Variants in ADGRG5 observed in about 807,000 individuals in gnomAD.
The protein encoded by ADGRG5 is G protein-coupled receptor 114.
ADGRG5 carries 37 observed loss-of-function variants against 53.2 expected under a neutral mutation model. That is an observed-to-expected ratio of 0.70 (90% CI 0.53 to 0.91). The LOEUF (loss-of-function observed/expected upper bound fraction) is 0.91, where lower values mean the gene tolerates loss of function less well. ADGRG5 is among the 40% of genes least tolerant of loss of function. The pLI, the probability that ADGRG5 is intolerant of heterozygous loss-of-function variation, is 0.00. For synonymous variants in ADGRG5, 277 were observed against 290.4 expected, an observed-to-expected ratio of 0.95 and a Z score of 0.47; for missense variants, 614 against 675.8, an observed-to-expected ratio of 0.91 and a Z score of 1.01.
At chr16:57,561,096 G>A (rs2032989880) in intron 1 of ADGRG5, among the ~76,000 whole-genome samples, 1 of 152,168 alleles carries the variant, frequency 6.6e-6, no homozygotes, top group South Asian at 2.1e-4. Context: ...GCTGTTTTTA[G>A]CCTCTTCCTT....
intron 9 of ADGRG5, among the ~76,000 whole-genome samples, chr16:57,570,132 A>G (rs540475206): frequency 6.6e-6 from 1 of 152,166 alleles, no homozygotes; most frequent in African/African-American, 2.4e-5. Context: ...CTATTTCCTC[A>G]GCAGTTCCCC....
the ADGRG5 span, chr16:57,529,227 C>T: frequency 8.7e-7 from 1 of 1,146,306 alleles, no homozygotes; most frequent in Non-Finnish European, 1.1e-6. The surrounding 1 kb of genome is among the most constrained non-coding windows in gnomAD (Gnocchi z 4.1). Context: ...GGCTCAGGGG[C>T]GGCTCCGGGG....
intron 1 of ADGRG5, among the ~76,000 whole-genome samples, chr16:57,559,184 T>C (rs1224854116): frequency 6.6e-6 from 1 of 152,162 alleles, no homozygotes; most frequent in Non-Finnish European, 1.5e-5. Context: ...TGCAACATTG[T>C]GGTGGGAGGG....
chr16:57,537,680 TTCCC>T (rs2032424280), upstream of ADGRG5, among the ~76,000 whole-genome samples: 1 of 152,206 alleles, frequency 6.6e-6, no homozygotes, highest in Non-Finnish European at 1.5e-5. Flanking sequence ...TCTGGGTCAC[TTCCC>T]TTGCAGACGT....
intron 5 of ADGRG5, 79 bp from the exon 6 acceptor site, chr16:57,564,954 TC>T: frequency 1.3e-6 from 1 of 774,396 alleles, no homozygotes; most frequent in Non-Finnish European, 2.2e-6. Context: ...CTTGTTCTCA[TC>T]CAGGGAAGCG....
chr16:57,551,238 T>C (rs1336388350), intron 1 of ADGRG5, among the ~76,000 whole-genome samples: 1 of 152,158 alleles, frequency 6.6e-6, no homozygotes, highest in East Asian at 1.9e-4. Flanking sequence ...GGTTGAAGGT[T>C]GGGGTGGCTG....
Position 57,566,656 on chromosome 16 carries a change from G to T in ADGRG5, c.604G>T (p.Gly202Trp), listed in dbSNP as rs200838029. 98 of 1,590,314 alleles carry T rather than the reference G, an allele frequency of 6.2e-5. 1 individual carries two copies. In the South Asian group the frequency reaches 8.8e-4, roughly 14 times the overall value. ...WKEGARKQPW[G>W]GWSPEGCRTE... Reference sequence around the variant, plus strand: ...GGAGGGAGCCAGGAAACAGCCCTGGGGGGGCTGGAGCCCTGAGGGCTGTCG... The same window carrying T: ...GGAGGGAGCCAGGAAACAGCCCTGGTGGGGCTGGAGCCCTGAGGGCTGTCG... The change falls in exon 7 of 12, where the codon GGG becomes TGG. Residue 202 changes from glycine (G) to tryptophan (W), a missense_variant. Transcript: ENST00000349457.
Position 57,574,015 on chromosome 16 carries a change from C to T in ADGRG5, c.1209-800C>T, listed in dbSNP as rs1432572179. 6.6e-6 allele frequency among the ~76,000 whole-genome samples: 1 copy of T among 152,234 alleles called. No homozygotes were observed. Among genetic ancestry groups the T allele is most frequent in the African/African-American group, 2.4e-5 (1 of 41,464 alleles). On this transcript the variant is annotated intron_variant, in intron 10 of 11. Transcript: ENST00000349457. The surrounding 1 kb of genome is among the most constrained non-coding windows in gnomAD (Gnocchi z 4.4). ...GAGATTACAGGCATGAGCCACCGCG[C>T]CTGGCCTCCATTTGATTTAGTTCTA...
the ADGRG5 span, among the ~76,000 whole-genome samples, chr16:57,531,582 C>T: frequency 2.6e-5 from 4 of 152,104 alleles, no homozygotes; most frequent in African/African-American, 9.7e-5. Context: ...CTCTGATGGC[C>T]CCTCCCTGTG....
In ADGRG5 at chr16:57,562,463, A is replaced by T. The variant is rs2033027806; in HGVS notation, c.140+4A>T. The stretch of plus-strand genomic sequence containing the variant: ...GGAGCTCAGTTTTTTCCTCTCGGTG[A>T]GTTGGATGTGCCTCCCACCCCAAGC... On this transcript the variant is annotated splice_donor_region_variant and intron_variant, in intron 3 of 11. Transcript: ENST00000349457. The T allele has an allele frequency of 6.3e-7, 1 of 1,589,970 alleles. No homozygotes were observed. The highest frequency in any genetic ancestry group is 1.3e-5 in the African/African-American group (1 of 74,460).
At chr16:57,557,242 G>A (rs972516803) in intron 1 of ADGRG5, among the ~76,000 whole-genome samples, 7 of 152,102 alleles carry the variant, frequency 4.6e-5, no homozygotes, top group Admixed American at 1.3e-4. Flanking sequence ...TTTTCACTGG[G>A]CATGGAGTTT....
At chr16:57,543,737 CG>C (rs1567611530) in intron 1 of ADGRG5, among the ~76,000 whole-genome samples, 1 of 151,936 alleles carries the variant, frequency 6.6e-6, no homozygotes, top group African/African-American at 2.4e-5. Flanking sequence ...AGGTGGGCTT[CG>C]GGGGTGCATG....
intron 6 of ADGRG5, 34 bp downstream of exon 6, chr16:57,565,184 C>A (rs780109298): frequency 3.9e-6 from 5 of 1,278,702 alleles, no homozygotes; most frequent in Admixed American, 1.7e-5. Flanking sequence ...TCCACTGCAC[C>A]CCTGCCCCTC....
At chr16:57,538,686 C>G (rs1009924810), upstream of ADGRG5, among the ~76,000 whole-genome samples, 74 of 152,316 alleles carry the variant, frequency 4.9e-4, no homozygotes, top group African/African-American at 1.7e-3. Flanking sequence ...GGGTTTCTCT[C>G]TGGCAGCCTG....
At chr16:57,560,580 G>A (rs770917866) in intron 1 of ADGRG5, among the ~76,000 whole-genome samples, 3 of 152,182 alleles carry the variant, frequency 2.0e-5, no homozygotes, top group Non-Finnish European at 4.4e-5. Flanking sequence ...CTGAGTGGGG[G>A]AGGATGTGGG....
chr16:57,575,040 C>A lies in ADGRG5; in HGVS notation c.1434C>A (p.Gly478=), dbSNP rs376578801. 4 of 1,613,948 alleles carry A rather than the reference C, an allele frequency of 2.5e-6. No homozygotes were observed. The South Asian group carries it at 3.3e-5, about 13-fold the overall frequency. The change falls in exon 11 of 12, where the codon GGC becomes GGA. Residue 478 remains glycine, a synonymous_variant. Coordinates refer to ENST00000349457, the MANE Select transcript of ADGRG5 (RefSeq NM_001304376.3). ...TTWALAFFSF[G]VFLLPQLFLF... ...GGGCCTTGGCCTTCTTTTCTTTTGG[C>A]GTCTTCCTGCTGCCCCAGCTGTTCC...
chr16:57,531,567 G>A, the ADGRG5 span, among the ~76,000 whole-genome samples: 2 of 152,022 alleles, frequency 1.3e-5, no homozygotes, highest in Non-Finnish European at 2.9e-5. Context: ...GTAAGAACCT[G>A]ACCACTCTGA....
intron 1 of ADGRG5, among the ~76,000 whole-genome samples, chr16:57,560,460 G>C (rs1283658994): frequency 5.3e-5 from 8 of 152,222 alleles, no homozygotes; most frequent in African/African-American, 1.9e-4. Context: ...TAACATTGAG[G>C]AACACAAAAA....
Position 57,554,434 on chromosome 16 carries a change from T to C in ADGRG5, c.-38-7622T>C, listed in dbSNP as rs186782478. Among the ~76,000 whole-genome samples the C allele has an allele frequency of 1.6e-4, 24 of 152,130 alleles. No homozygotes were observed. In the East Asian group the frequency reaches 4.4e-3, roughly 28 times the overall value. On this transcript the variant is annotated intron_variant, in intron 1 of 11. Transcript: ENST00000349457. ...CTCTGTTGCCCAGGTTGGAGTGCAG[T>C]GGCGCAATCTCAGCTCACTGCAAGC...
Sources: allele counts gnomAD v4.1 joint callset (sites outside exome capture counted in the v4.1 genomes callset), GRCh38; gene constraint gnomAD v4.1.1; non-coding constraint Gnocchi (gnomAD v3.1); transcripts MANE v1.5; gene names NCBI Gene and HGNC (gene_info 2026-07-23, HGNC 2026-07-21).